LIN52: variants seen among roughly 807,000 people sequenced by gnomAD.
LIN52 encodes the protein protein lin-52 homolog.
In LIN52, 4 loss-of-function variants were observed where a neutral mutation model predicts 18.5. That is an observed-to-expected ratio of 0.22 (90% CI 0.11 to 0.49). LIN52 has a LOEUF of 0.49. Among genes scored for constraint, LIN52 ranks in the 20% least tolerant of loss-of-function variants. The probability of loss-of-function intolerance (pLI) is 0.97; values close to 1 mark genes in which losing one functional copy is unlikely to be tolerated. For missense variants in LIN52, 102 were observed against 139.5 expected (o/e 0.73, Z 1.35); for synonymous variants, 34 against 45.5 (o/e 0.75, Z 1.02).
intron 5 of LIN52, among the ~76,000 whole-genome samples, chr14:74,188,552 A>C (rs2061350092): frequency 6.7e-6 from 1 of 149,742 alleles, no homozygotes; most frequent in Admixed American, 6.7e-5. Context: ...TCCTCCCTCC[A>C]CCCCCGTTTC....
rs542268791 is a variant in LIN52 at position 74,197,591 on chromosome 14, G to A, written c.284-1331G>A. Among the ~76,000 whole-genome samples, 6 of 152,326 alleles carry A rather than the reference G, an allele frequency of 3.9e-5. No individual in the cohort carries two copies. In the South Asian group the frequency reaches 1.2e-3, roughly 32 times the overall value. ...ATTTGCTGTAAATCCATGAAGGAAG[G>A]AATGGTCTGTTTGATTTGGTCTGGG... On this transcript the variant is annotated intron_variant, in intron 5 of 5. Transcript: ENST00000555028.
chr14:74,114,569 T>C (rs1275937064), intron 5 of LIN52, among the ~76,000 whole-genome samples: 1 of 152,076 alleles, frequency 6.6e-6, no homozygotes, highest in African/African-American at 2.4e-5. Flanking sequence ...GACAGGGAAG[T>C]CAGAAGGAGG....
At chr14:74,136,495 C>G (rs2061098703) in intron 5 of LIN52, among the ~76,000 whole-genome samples, 1 of 152,140 alleles carries the variant, frequency 6.6e-6, no homozygotes, top group Non-Finnish European at 1.5e-5. Flanking sequence ...ACAGGGGAAG[C>G]ATTTTTCTTC....
rs1441161537 is a variant in LIN52, at chr14:74,200,250, C to T, written c.*1273C>T. ...CCAATATGGTGAAACCCTGTCTCTA[C>T]TAAAATACAAAAATTAGCTGGGCAT... On this transcript the variant is annotated 3_prime_UTR_variant, in exon 6 of 6. Coordinates refer to ENST00000555028, the MANE Select transcript of LIN52 (RefSeq NM_001024674.3). 1.1e-5 allele frequency: 1 copy of T among 92,170 alleles called. No individual in the cohort carries two copies. The highest frequency in any genetic ancestry group is 1.3e-4 in the Admixed American group (1 of 7,422). 5.7% of individuals were successfully genotyped at this position (92,170 alleles called of 1,614,324 possible). A position where few individuals can be genotyped will look rare whatever the true frequency, so the allele number is the denominator to read the frequency against.
intron 5 of LIN52, among the ~76,000 whole-genome samples, chr14:74,153,503 T>C (rs2061185770): frequency 6.6e-6 from 1 of 152,128 alleles, no homozygotes; most frequent in South Asian, 2.1e-4. Flanking sequence ...TTTATAAACA[T>C]GTTGTCTTTT....
At chr14:74,125,430 G>A (rs1199651876) in intron 5 of LIN52, among the ~76,000 whole-genome samples, 1 of 152,116 alleles carries the variant, frequency 6.6e-6, no homozygotes, top group Non-Finnish European at 1.5e-5. Flanking sequence ...AGAAGTGTCT[G>A]TTCATATCCT....
intron 5 of LIN52, among the ~76,000 whole-genome samples, chr14:74,169,311 T>G (rs1284918628): frequency 1.3e-5 from 2 of 152,296 alleles, no homozygotes; most frequent in East Asian, 3.9e-4. Context: ...ATCAAAATCC[T>G]TTTGTCTCTT....
At chr14:74,137,496 C>CTTTTTTTTTTTTT (rs1409995305) in intron 5 of LIN52, among the ~76,000 whole-genome samples, 14 of 85,512 alleles carry the variant, frequency 1.6e-4, no homozygotes, top group African/African-American at 7.2e-4. Context: ...CACAGCAGCT[C>CTTTTTTTTTTTTT]TCTTTTTTTT....
intron 4 of LIN52, 101 bp downstream of exon 4, chr14:74,097,961 C>A: frequency 1.2e-6 from 1 of 818,484 alleles, no homozygotes; most frequent in South Asian, 1.6e-5. Context: ...TTTTTGGCTT[C>A]AGACTTCTCA....
Position 74,136,735 on chromosome 14 carries a change from G to A in LIN52, c.283+35497G>A, listed in dbSNP as rs1420146165. Reference sequence around the variant, plus strand: ...AGGGATTGATAACTTTGTATTAAAGGTTTAATAAATATAGGTGCTGGAGAA... The same window carrying A: ...AGGGATTGATAACTTTGTATTAAAGATTTAATAAATATAGGTGCTGGAGAA... On this transcript the variant is annotated intron_variant, in intron 5 of 5. Transcript: ENST00000555028. Among the ~76,000 whole-genome samples, 4 of 152,262 alleles carry A rather than the reference G, an allele frequency of 2.6e-5. No individual in the cohort carries two copies. In the East Asian group the frequency reaches 7.7e-4, roughly 29 times the overall value.
intron 5 of LIN52, among the ~76,000 whole-genome samples, chr14:74,105,404 TC>T (rs1241558129): frequency 3.3e-5 from 5 of 152,206 alleles, no homozygotes; most frequent in Non-Finnish European, 7.3e-5. Context: ...TCTTTCAATT[TC>T]CATAGCATTG....
intron 5 of LIN52, among the ~76,000 whole-genome samples, chr14:74,124,810 C>CAAAAAA (rs5809648): frequency 0.071 from 4,218 of 59,358 alleles, 359 homozygotes; most frequent in African/African-American, 0.09. Flanking sequence ...GACCCTGTCT[C>CAAAAAA]AAAAAAAAAA....
chr14:74,176,978 A>G (rs914318891), intron 5 of LIN52, among the ~76,000 whole-genome samples: 5 of 150,960 alleles, frequency 3.3e-5, no homozygotes, highest in African/African-American at 7.3e-5. Flanking sequence ...TTCATTCATC[A>G]GTGGGACATT....
chr14:74,154,219 T>G (rs576949677), intron 5 of LIN52, among the ~76,000 whole-genome samples: 7 of 152,112 alleles, frequency 4.6e-5, no homozygotes, highest in Non-Finnish European at 1.0e-4. Context: ...TCTCAGACTT[T>G]CCTTGTTTTT....
intron 5 of LIN52, among the ~76,000 whole-genome samples, chr14:74,143,698 A>G (rs2061142601): frequency 6.6e-6 from 1 of 152,122 alleles, no homozygotes; most frequent in Non-Finnish European, 1.5e-5. Context: ...ACAGTTTGAC[A>G]TTTCAATTCA....
chr14:74,187,961 A>G (rs1429532223), intron 5 of LIN52, among the ~76,000 whole-genome samples: 1 of 152,198 alleles, frequency 6.6e-6, no homozygotes, highest in East Asian at 1.9e-4. Flanking sequence ...ATGGATTTAC[A>G]CCTAAGGTAG....
chr14:74,160,632 C>A (rs2024245), intron 5 of LIN52, among the ~76,000 whole-genome samples: 1 of 152,004 alleles, frequency 6.6e-6, no homozygotes, highest in Non-Finnish European at 1.5e-5. Flanking sequence ...TAGGCCATAC[C>A]GGTTTTCAGA....
chr14:74,091,436 G>A (rs1234362416), intron 2 of LIN52, 130 bp downstream of exon 2: 9 of 615,324 alleles, frequency 1.5e-5, no homozygotes, highest in Non-Finnish European at 2.2e-5. Context: ...TTAGCAGTGG[G>A]GGGTTGTATA....
intron 5 of LIN52, among the ~76,000 whole-genome samples, chr14:74,179,517 T>C (rs1403830865): frequency 6.6e-6 from 1 of 151,918 alleles, no homozygotes; most frequent in African/African-American, 2.4e-5. Context: ...AAATTAGCTG[T>C]GCGTGGTGGC....
Sources: allele counts gnomAD v4.1 joint callset (sites outside exome capture counted in the v4.1 genomes callset), GRCh38; gene constraint gnomAD v4.1.1; transcripts MANE v1.5; gene names NCBI Gene and HGNC (gene_info 2026-07-23, HGNC 2026-07-21).